The following LRBA variants were observed in gnomAD, a reference collection of about 807,000 sequenced individuals.
LRBA encodes the protein lipopolysaccharide-responsive and beige-like anchor protein.
In LRBA, 176 loss-of-function variants were observed where a neutral mutation model predicts 330.0. The observed-to-expected ratio is 0.53, with a 90% CI of 0.47 to 0.60. The LOEUF is 0.60. LRBA is among the 20% of genes least tolerant of loss of function. The pLI is 0.00. For missense variants in LRBA, 3,259 were observed against 3,444.8 expected, an observed-to-expected ratio of 0.95 and a Z score of 1.35; for synonymous variants, 1,230 against 1,193.0, an observed-to-expected ratio of 1.03 and a Z score of -0.64.
intron 48 of LRBA, 37 bp downstream of exon 48, chr4:150,349,955 C>T: frequency 1.3e-6 from 2 of 1,591,962 alleles, no homozygotes; most frequent in South Asian, 2.2e-5. Flanking sequence ...TTAAATATAC[C>T]TGACTATAAG....
At chr4:150,418,002 A>C (rs566626080) in intron 46 of LRBA, among the ~76,000 whole-genome samples, 1 of 150,246 alleles carries the variant, frequency 6.7e-6, no homozygotes, top group South Asian at 2.1e-4. Context: ...ATTCTCCACA[A>C]GTTTTTTTGG....
intron 49 of LRBA, among the ~76,000 whole-genome samples, chr4:150,325,415 A>G (rs1291263167): frequency 6.6e-6 from 1 of 152,208 alleles, no homozygotes; most frequent in Non-Finnish European, 1.5e-5. Flanking sequence ...TTGTTTTAAA[A>G]TTCCCAAACT....
At chr4:150,954,061 G>C (rs1251156282) in intron 2 of LRBA, among the ~76,000 whole-genome samples, 1 of 149,148 alleles carries the variant, frequency 6.7e-6, no homozygotes, top group Non-Finnish European at 1.5e-5. Context: ...ACCCCGTCTG[G>C]GAAGTGAGAA....
In LRBA at chr4:150,487,759, C is replaced by T; in HGVS notation, c.6524G>A (p.Gly2175Glu). The T allele has an allele frequency of 6.3e-7, 1 of 1,598,896 alleles. No individual in the cohort carries two copies. Among genetic ancestry groups the T allele is most frequent in the South Asian group, 1.1e-5 (1 of 89,294 alleles). Residue 2175 changes from glycine (G) to glutamate (E), a missense_variant, in exon 42 of 57, where the codon GGA becomes GAA. Physicochemically the swap from Gly to Glu is moderately conservative, Grantham distance 98. Coordinates refer to ENST00000651943, the MANE Select transcript of LRBA (RefSeq NM_001364905.1). Reference sequence around the variant, plus strand: ...GGTTTGAGGCAATCCAAAACTTGTTCCAACGCCAACACGAGGTAGATAGTT... The same window carrying T: ...GGTTTGAGGCAATCCAAAACTTGTTTCAACGCCAACACGAGGTAGATAGTT... ...VVNYLPRVGVGTSFGLPQTRR... is the reference protein window; with the variant it reads ...VVNYLPRVGVETSFGLPQTRR...
intron 40 of LRBA, among the ~76,000 whole-genome samples, chr4:150,504,904 A>G (rs555734117): frequency 1.3e-5 from 2 of 152,304 alleles, no homozygotes; most frequent in African/African-American, 2.4e-5. Flanking sequence ...ATGGAAAACA[A>G]AAAAAGGCAG....
intron 34 of LRBA, among the ~76,000 whole-genome samples, chr4:150,768,793 T>C (rs752038435): frequency 4.5e-4 from 68 of 151,924 alleles, no homozygotes; most frequent in Middle Eastern, 3.2e-3. Flanking sequence ...GAAAAACGAC[T>C]CATAGAAAAC....
intron 26 of LRBA, among the ~76,000 whole-genome samples, chr4:150,847,023 G>A: frequency 6.6e-6 from 1 of 152,044 alleles, no homozygotes; most frequent in South Asian, 2.1e-4. Flanking sequence ...TTCGAAAATG[G>A]CACACATAAA....
chr4:150,277,769 T>G, intron 56 of LRBA, 84 bp downstream of exon 56: 1 of 1,366,168 alleles, frequency 7.3e-7, no homozygotes, highest in South Asian at 1.3e-5. Flanking sequence ...CCCAAAGTAC[T>G]GGGATTACAG....
intron 44 of LRBA, among the ~76,000 whole-genome samples, chr4:150,455,907 GT>G (rs1340426575): frequency 6.6e-6 from 1 of 152,032 alleles, no homozygotes. Flanking sequence ...TCACAAGTAA[GT>G]GAGAACATGT....
intron 35 of LRBA, among the ~76,000 whole-genome samples, chr4:150,751,612 T>C (rs1733563190): frequency 6.6e-6 from 1 of 152,146 alleles, no homozygotes; most frequent in Non-Finnish European, 1.5e-5. Context: ...AGGCTCAAAA[T>C]GTTGGGTTTA....
intron 37 of LRBA, among the ~76,000 whole-genome samples, chr4:150,625,333 T>C (rs1001320455): frequency 1.3e-5 from 2 of 152,180 alleles, no homozygotes; most frequent in African/African-American, 4.8e-5. Context: ...AACTACTGCT[T>C]TTAGACTACA....
At chr4:150,295,183 A>T (rs532207691) in intron 53 of LRBA, among the ~76,000 whole-genome samples, 2 of 146,090 alleles carry the variant, frequency 1.4e-5, no homozygotes, top group African/African-American at 5.1e-5. Flanking sequence ...GCATTCCCCA[A>T]ATTAAAATAG....
chr4:150,990,793 G>A (rs766856283), intron 2 of LRBA, among the ~76,000 whole-genome samples: 6 of 152,096 alleles, frequency 3.9e-5, no homozygotes, highest in African/African-American at 7.2e-5. Context: ...GCCGAGGTGG[G>A]CGGATCACTT....
At chr4:150,600,966 G>A (rs1774051904) in intron 37 of LRBA, among the ~76,000 whole-genome samples, 1 of 152,086 alleles carries the variant, frequency 6.6e-6, no homozygotes, top group Non-Finnish European at 1.5e-5. Context: ...GTGAATCACA[G>A]GCTGCTCCTC....
intron 2 of LRBA, among the ~76,000 whole-genome samples, chr4:151,011,677 C>G (rs1217925212): frequency 6.6e-6 from 1 of 150,624 alleles, no homozygotes; most frequent in Non-Finnish European, 1.5e-5. Flanking sequence ...TTGAGATGGA[C>G]TAATTTACAG....
At chr4:150,731,859 T>C (rs567376000) in intron 36 of LRBA, among the ~76,000 whole-genome samples, 77 of 152,296 alleles carry the variant, frequency 5.1e-4, no homozygotes, top group Non-Finnish European at 9.1e-4. Context: ...GGATTGTTTG[T>C]AACCCAAAGG....
At chr4:150,635,660 C>T (rs1368284283) in intron 37 of LRBA, among the ~76,000 whole-genome samples, 1 of 151,936 alleles carries the variant, frequency 6.6e-6, no homozygotes. Context: ...AACATGATGC[C>T]CCATTGACAA....
intron 34 of LRBA, among the ~76,000 whole-genome samples, chr4:150,797,063 G>A (rs1356138366): frequency 4.6e-5 from 7 of 151,810 alleles, no homozygotes; most frequent in African/African-American, 1.7e-4. Flanking sequence ...TCCATTAGGT[G>A]TAATCTCTAG....
intron 53 of LRBA, among the ~76,000 whole-genome samples, chr4:150,299,570 T>C: frequency 6.6e-6 from 1 of 152,170 alleles, no homozygotes; most frequent in South Asian, 2.1e-4. Context: ...GCAGTATGTA[T>C]ATTAATATTA....
Sources: allele counts gnomAD v4.1 joint callset (sites outside exome capture counted in the v4.1 genomes callset), GRCh38; gene constraint gnomAD v4.1.1; transcripts MANE v1.5; gene names NCBI Gene and HGNC (gene_info 2026-07-23, HGNC 2026-07-21).